RAP1GAP2: variants seen among roughly 807,000 people sequenced by gnomAD.
RAP1GAP2 encodes the protein RAP1 GTPase activating protein 2, also known as rap1 GTPase-activating protein 2.
Under a neutral mutation model 95.0 loss-of-function variants are expected in RAP1GAP2, and 27 were observed. The observed-to-expected ratio is 0.28, with a 90% CI of 0.21 to 0.39. The LOEUF is 0.39. Among genes scored for constraint, RAP1GAP2 ranks in the 10% least tolerant of loss-of-function variants. The pLI is 1.00. For missense variants in RAP1GAP2, 771 were observed against 970.0 expected (o/e 0.79, Z 2.72); for synonymous variants, 373 against 380.9 (o/e 0.98, Z 0.24).
chr17:2,850,198 C>T (rs1023888856), intron 2 of RAP1GAP2, among the ~76,000 whole-genome samples: 1 of 150,764 alleles, frequency 6.6e-6, no homozygotes, highest in Non-Finnish European at 1.5e-5. Flanking sequence ...GACGGGGTTT[C>T]ACCATGTTAG....
intron 1 of RAP1GAP2, among the ~76,000 whole-genome samples, chr17:2,779,305 G>T (rs2068581900): frequency 6.6e-6 from 1 of 152,246 alleles, no homozygotes; most frequent in Non-Finnish European, 1.5e-5. Context: ...TTTGAACATG[G>T]TGATGGCCCC....
chr17:2,795,124 C>T (rs1339217796), upstream of RAP1GAP2, among the ~76,000 whole-genome samples: 6 of 151,700 alleles, frequency 4.0e-5, no homozygotes, highest in South Asian at 2.1e-4. Flanking sequence ...GTGATCCACC[C>T]GCGTTGGCCT....
At chr17:2,801,802 A>T (rs2069312682) in intron 2 of RAP1GAP2, among the ~76,000 whole-genome samples, 1 of 152,058 alleles carries the variant, frequency 6.6e-6, no homozygotes, top group Non-Finnish European at 1.5e-5. Flanking sequence ...CTGAGGTCCG[A>T]AGCAGGCACA....
At chr17:2,822,358 A>G (rs2070340865) in intron 2 of RAP1GAP2, among the ~76,000 whole-genome samples, 1 of 152,208 alleles carries the variant, frequency 6.6e-6, no homozygotes, top group Non-Finnish European at 1.5e-5. Context: ...GCCGTGGTTC[A>G]CGCCTGTAAT....
At chr17:2,952,278 T>C (rs1224550125) in intron 3 of RAP1GAP2, among the ~76,000 whole-genome samples, 1 of 152,250 alleles carries the variant, frequency 6.6e-6, no homozygotes, top group Non-Finnish European at 1.5e-5. Context: ...ATCTTTGCAG[T>C]AGCATCATGA....
intron 2 of RAP1GAP2, among the ~76,000 whole-genome samples, chr17:2,811,279 G>T (rs1447740251): frequency 6.6e-6 from 1 of 152,292 alleles, no homozygotes; most frequent in East Asian, 1.9e-4. Flanking sequence ...AGCTAGAGGC[G>T]ATGGGCCTCA....
At chr17:2,889,507 G>A (rs529355331) in intron 2 of RAP1GAP2, among the ~76,000 whole-genome samples, 6 of 151,958 alleles carry the variant, frequency 3.9e-5, no homozygotes, top group East Asian at 3.9e-4. Context: ...TGGAGCTCCC[G>A]GCGGCTGAGC....
intron 2 of RAP1GAP2, among the ~76,000 whole-genome samples, chr17:2,862,996 CAAAAAAA>C (rs1164520490): frequency 1.5e-3 from 74 of 49,016 alleles, no homozygotes; most frequent in African/African-American, 5.6e-3. Flanking sequence ...GACTCTGTCT[CAAAAAAA>C]AAAAAAAAAA....
intron 1 of RAP1GAP2, among the ~76,000 whole-genome samples, chr17:2,760,310 AAAAG>A (rs2071219696): frequency 6.6e-6 from 1 of 150,456 alleles, no homozygotes; most frequent in Non-Finnish European, 1.5e-5. Flanking sequence ...AAAAAAAAAA[AAAAG>A]AAAAGAAAAA....
chr17:2,889,591 T>C (rs1341351022), intron 2 of RAP1GAP2, among the ~76,000 whole-genome samples: 1 of 151,978 alleles, frequency 6.6e-6, no homozygotes, highest in Non-Finnish European at 1.5e-5. Flanking sequence ...CTGGAGGCTC[T>C]TGCAGGTATC....
intron 1 of RAP1GAP2, among the ~76,000 whole-genome samples, chr17:2,756,561 C>T (rs2071151045): frequency 6.6e-6 from 1 of 152,166 alleles, no homozygotes; most frequent in African/African-American, 2.4e-5. Flanking sequence ...TTAGGGCAGC[C>T]TGCACAGCCC....
At chr17:2,967,212 CA>C (rs374097822) in intron 8 of RAP1GAP2, among the ~76,000 whole-genome samples, 2 of 151,158 alleles carry the variant, frequency 1.3e-5, no homozygotes, top group Non-Finnish European at 3.0e-5. Context: ...ACTAAAAATA[CA>C]AAAAAAAATT....
chr17:2,820,972 T>G (rs1317544609), intron 2 of RAP1GAP2, among the ~76,000 whole-genome samples: 3 of 151,130 alleles, frequency 2.0e-5, no homozygotes, highest in African/African-American at 7.3e-5. Flanking sequence ...GCTGACCTGT[T>G]GATCTGCCTG....
intron 1 of RAP1GAP2, among the ~76,000 whole-genome samples, chr17:2,782,148 C>T (rs530911819): frequency 4.6e-5 from 7 of 152,300 alleles, no homozygotes; most frequent in Admixed American, 2.0e-4. Context: ...TGCCCCATCC[C>T]GCCCTCTCTC....
chr17:2,970,496 A>G (rs1342447409), intron 8 of RAP1GAP2, among the ~76,000 whole-genome samples: 1 of 152,120 alleles, frequency 6.6e-6, no homozygotes, highest in Admixed American at 6.5e-5. Context: ...TGTAAATTCC[A>G]ACTTTCACCA....
chr17:2,843,367 C>T (rs960132169), intron 2 of RAP1GAP2, among the ~76,000 whole-genome samples: 1 of 151,712 alleles, frequency 6.6e-6, no homozygotes, highest in Admixed American at 6.6e-5. Context: ...CTCACGGCAA[C>T]CTCCACCTCC....
intron 3 of RAP1GAP2, among the ~76,000 whole-genome samples, chr17:2,938,807 C>G (rs968105465): frequency 6.6e-6 from 1 of 151,924 alleles, no homozygotes; most frequent in African/African-American, 2.4e-5. Context: ...GCCAACGTCG[C>G]AAAACCCCAT....
chr17:2,811,138 C>T (rs2069756853), intron 2 of RAP1GAP2, among the ~76,000 whole-genome samples: 2 of 152,152 alleles, frequency 1.3e-5, no homozygotes, highest in Admixed American at 6.6e-5. Flanking sequence ...TCTTCCCTTC[C>T]CTCCCCTTGG....
chr17:2,859,478 C>T (rs2072283716), intron 2 of RAP1GAP2, among the ~76,000 whole-genome samples: 1 of 152,114 alleles, frequency 6.6e-6, no homozygotes, highest in Non-Finnish European at 1.5e-5. Context: ...CTCTGCCACC[C>T]AGGGTGGAGT....
Sources: gnomAD v4.1 joint callset for allele counts (sites outside exome capture counted in the v4.1 genomes callset) on GRCh38, gnomAD v4.1.1 for gene constraint, MANE v1.5 for transcripts, NCBI Gene and HGNC (gene_info 2026-07-23, HGNC 2026-07-21) for gene names.